GTF2A1: variants seen among roughly 807,000 people sequenced by gnomAD.
The protein encoded by GTF2A1 is transcription initiation factor IIA subunit 1.
GTF2A1 carries 12 observed loss-of-function variants against 54.1 expected under a neutral mutation model. The ratio of observed to expected loss-of-function variants is 0.22; its 90% CI spans 0.14 to 0.36. The LOEUF (loss-of-function observed/expected upper bound fraction) is 0.36. GTF2A1 is among the 10% of genes least tolerant of loss of function. The pLI is 1.00. For synonymous variants in GTF2A1, 145 were observed against 152.0 expected, an observed-to-expected ratio of 0.95 and a Z score of 0.34; for missense variants, 335 against 442.2, an observed-to-expected ratio of 0.76 and a Z score of 2.17.
chr14:81,178,418 C>T lies in GTF2A1; in HGVS notation c.*1805G>A, dbSNP rs1416239560. 2.0e-5 allele frequency: 3 copies of T among 152,038 alleles called. No individual in the cohort carries two copies. In the East Asian group the frequency reaches 5.8e-4, roughly 29 times the overall value. 9.4% of individuals were successfully genotyped at this position (152,038 alleles called of 1,614,324 possible). A position where few individuals can be genotyped will look rare whatever the true frequency, so the allele number is the denominator to read the frequency against. The stretch of plus-strand genomic sequence containing the variant: ...AAACCTCTGTGTGCTTTGAGAGTCA[C>T]AGAATAAACAAACTTCCCCTCAAAA... On this transcript the variant is annotated 3_prime_UTR_variant, in exon 9 of 9. Coordinates refer to ENST00000553612, the MANE Select transcript of GTF2A1 (RefSeq NM_015859.4).
chr14:81,203,846 A>G (rs779714042), intron 3 of GTF2A1, 54 bp downstream of exon 3: 19 of 1,427,116 alleles, frequency 1.3e-5, no homozygotes, highest in Non-Finnish European at 1.8e-5. Context: ...CTCTTCTTTC[A>G]TAATGACAAA....
intron 2 of GTF2A1, among the ~76,000 whole-genome samples, chr14:81,213,319 A>C (rs1261637426): frequency 4.1e-5 from 2 of 48,370 alleles, no homozygotes; most frequent in African/African-American, 1.9e-4. Flanking sequence ...ATGGAGGTGG[A>C]AACATTTGGT....
chr14:81,220,111 C>T (rs1030744587), intron 1 of GTF2A1, among the ~76,000 whole-genome samples: 1 of 151,640 alleles, frequency 6.6e-6, no homozygotes, highest in Non-Finnish European at 1.5e-5. Flanking sequence ...GGGGAGCCCT[C>T]GTCAAGCCAG....
rs140084618 is a variant in GTF2A1 at position 81,180,146 on chromosome 14, T to A, written c.*77A>T. 1.2e-4 allele frequency: 76 copies of A among 656,178 alleles called. No homozygotes were observed. In the African/African-American group the frequency reaches 1.3e-3, roughly 11 times the overall value. 40.6% of individuals were successfully genotyped at this position (656,178 alleles called of 1,614,324 possible). ...TGCAGAAACGAAGTTTTGGTTGGCA[T>A]ATGCCCCAAGTTTCAAACTGTCCGC... On this transcript the variant is annotated 3_prime_UTR_variant, in exon 9 of 9. Coordinates refer to ENST00000553612, the MANE Select transcript of GTF2A1 (RefSeq NM_015859.4).
intron 2 of GTF2A1, among the ~76,000 whole-genome samples, chr14:81,206,747 T>C (rs12878477): frequency 0.11 from 17,398 of 152,110 alleles, 1,109 homozygotes; most frequent in Middle Eastern, 0.17. Context: ...CAATTTAGAA[T>C]TTTCTTTGTA....
At chr14:81,214,740 TTTAA>T (rs1893450065) in intron 2 of GTF2A1, among the ~76,000 whole-genome samples, 1 of 150,600 alleles carries the variant, frequency 6.6e-6, no homozygotes, top group Non-Finnish European at 1.5e-5. Flanking sequence ...ATAACAAATT[TTTAA>T]TTTTCACTAA....
intron 2 of GTF2A1, among the ~76,000 whole-genome samples, 195 bp downstream of exon 2, chr14:81,216,218 G>A (rs904816757): frequency 1.3e-5 from 2 of 152,022 alleles, no homozygotes; most frequent in African/African-American, 2.4e-5. Context: ...TCCATCTTAC[G>A]TATAAGAAAA....
Position 81,216,527 on chromosome 14 carries a change from A to C in GTF2A1, c.31-13T>G. ...TGTATAATTTAGGCTTTAAAGGAAA[A>C]ATAAAAGACTTGAAAAAGACAGTTT... On this transcript the variant is annotated splice_polypyrimidine_tract_variant and intron_variant, in intron 1 of 8. Coordinates refer to ENST00000553612, the MANE Select transcript of GTF2A1 (RefSeq NM_015859.4). 8.4e-7 allele frequency: 1 copy of C among 1,194,448 alleles called. No homozygotes were observed. The highest frequency in any genetic ancestry group is 1.2e-6 in the Non-Finnish European group (1 of 813,818). The allele number at this position is 1,194,448 out of a possible 1,614,324, so 74.0% of individuals were successfully genotyped here. A position where few individuals can be genotyped will look rare whatever the true frequency, so the allele number is the denominator to read the frequency against.
chr14:81,182,002 T>C (rs1303966124), intron 8 of GTF2A1, among the ~76,000 whole-genome samples: 1 of 152,204 alleles, frequency 6.6e-6, no homozygotes, highest in African/African-American at 2.4e-5. Context: ...TTATTCCTTT[T>C]TGGAACAGCT....
At chr14:81,198,674 CCT>C (rs1368980296) in intron 4 of GTF2A1, among the ~76,000 whole-genome samples, 3 of 151,848 alleles carry the variant, frequency 2.0e-5, no homozygotes, top group African/African-American at 4.8e-5. Flanking sequence ...TAGTTTTTTC[CCT>C]CTCTTTTCAA....
At position 81,209,765 on chromosome 14, in the gene GTF2A1, C is replaced by T. The variant is rs542470146; in HGVS notation, c.133-5661G>A. The T allele has an allele frequency of 4.0e-4, 158 of 396,750 alleles. 1 individual carries two copies. Among genetic ancestry groups the T allele is most frequent in the South Asian group, 3.0e-3 (148 of 49,618 alleles). 24.6% of individuals were successfully genotyped at this position (396,750 alleles called of 1,614,324 possible). Reference sequence around the variant, plus strand: ...TATTCCTTACGATCAGCAGTTTTCTCCCACAATTCCCTATACAAGACAAAT... The same window carrying T: ...TATTCCTTACGATCAGCAGTTTTCTTCCACAATTCCCTATACAAGACAAAT... On this transcript the variant is annotated intron_variant, in intron 2 of 8. Coordinates refer to ENST00000553612, the MANE Select transcript of GTF2A1 (RefSeq NM_015859.4).
At chr14:81,189,357 A>G (rs1348708376) in intron 7 of GTF2A1, among the ~76,000 whole-genome samples, 3 of 152,182 alleles carry the variant, frequency 2.0e-5, no homozygotes, top group South Asian at 2.1e-4. Context: ...AAACATGAAC[A>G]TATCTCACTC....
intron 2 of GTF2A1, chr14:81,209,983 G>A (rs1427572530): frequency 3.6e-6 from 3 of 827,124 alleles, no homozygotes; most frequent in Non-Finnish European, 5.2e-6. Context: ...CTAGAATACT[G>A]TTCCTATATA....
intron 1 of GTF2A1, among the ~76,000 whole-genome samples, chr14:81,217,587 CTCAAGAGT>C (rs903006007): frequency 5.9e-5 from 9 of 152,170 alleles, no homozygotes; most frequent in African/African-American, 2.2e-4. Flanking sequence ...ATCGCTTGAG[CTCAAGAGT>C]TCAAGACCAG....
intron 6 of GTF2A1, among the ~76,000 whole-genome samples, chr14:81,195,342 A>G (rs1355188806): frequency 2.1e-5 from 3 of 146,246 alleles, no homozygotes; most frequent in Non-Finnish European, 3.0e-5. Flanking sequence ...GCAGTTAAAG[A>G]AAAAAAAAAG....
intron 1 of GTF2A1, among the ~76,000 whole-genome samples, chr14:81,219,711 T>C (rs568935101): frequency 6.6e-6 from 1 of 152,326 alleles, no homozygotes; most frequent in African/African-American, 2.4e-5. Context: ...TTTATGTGAC[T>C]GCTTTTTGCA....
chr14:81,185,751 T>C (rs1892730623), intron 7 of GTF2A1, 131 bp from the exon 8 acceptor site: 2 of 500,024 alleles, frequency 4.0e-6, no homozygotes, highest in Non-Finnish European at 7.1e-6. Context: ...GAATTTAATA[T>C]TGTCAAATCA....
At position 81,176,979 on chromosome 14, in the gene GTF2A1, C is replaced by T. The variant is rs931021918; in HGVS notation, c.*3244G>A. The T allele has an allele frequency of 1.3e-5, 2 of 151,812 alleles. No individual in the cohort carries two copies. The highest frequency in any genetic ancestry group is 2.9e-5 in the Non-Finnish European group (2 of 67,930). 9.4% of individuals were successfully genotyped at this position (151,812 alleles called of 1,614,324 possible). A position where few individuals can be genotyped will look rare whatever the true frequency, so the allele number is the denominator to read the frequency against. ...ATTTACCCTCTGATAAGAATGGTGA[C>T]ATTATTGCTATGAGAATCAAAAATA... On this transcript the variant is annotated 3_prime_UTR_variant, in exon 9 of 9. Coordinates refer to ENST00000553612, the MANE Select transcript of GTF2A1 (RefSeq NM_015859.4).
At chr14:81,220,332 G>A (rs562499145) in intron 1 of GTF2A1, among the ~76,000 whole-genome samples, 157 bp downstream of exon 1, 86 of 141,998 alleles carry the variant, frequency 6.1e-4, no homozygotes, top group Middle Eastern at 7.2e-3. Context: ...CCGGCGCTCC[G>A]GCCCGATCCG....
Sources: allele counts gnomAD v4.1 joint callset (sites outside exome capture counted in the v4.1 genomes callset), GRCh38; gene constraint gnomAD v4.1.1; transcripts MANE v1.5; gene names NCBI Gene and HGNC (gene_info 2026-07-23, HGNC 2026-07-21).